KIRREL3: variants seen among roughly 807,000 people sequenced by gnomAD.
KIRREL3 encodes the protein kin of IRRE-like protein 3.
KIRREL3 carries 36 observed loss-of-function variants against 89.7 expected under a neutral mutation model. The ratio of observed to expected loss-of-function variants is 0.40; its 90% CI spans 0.31 to 0.53. KIRREL3 has a LOEUF of 0.53. KIRREL3 is among the 20% of genes least tolerant of loss of function. KIRREL3 has a pLI of 0.49. For synonymous variants in KIRREL3, 445 were observed against 441.4 expected (o/e 1.01, Z -0.10); for missense variants, 864 against 1,056.6 (o/e 0.82, Z 2.53).
At chr11:126,824,378 G>A (rs2134462873) in intron 1 of KIRREL3, among the ~76,000 whole-genome samples, 1 of 152,336 alleles carries the variant, frequency 6.6e-6, no homozygotes, top group Middle Eastern at 3.4e-3. Context: ...GCTCTGTGAA[G>A]CAGCTAGGTA....
rs1268908613 is a variant in KIRREL3, at chr11:126,999,023, C to A, written c.55+1432G>T. 6.8e-6 allele frequency among the ~76,000 whole-genome samples: 1 copy of A among 146,916 alleles called. No individual in the cohort carries two copies. The highest frequency in any genetic ancestry group is 2.1e-4 in the East Asian group (1 of 4,754). On this transcript the variant is annotated intron_variant, in intron 1 of 16. Coordinates refer to ENST00000525144, the MANE Select transcript of KIRREL3 (RefSeq NM_032531.4). The surrounding 1 kb of genome is among the most constrained non-coding windows in gnomAD (Gnocchi z 5.7). ...CTTACCAAATGGTAATATAACTGAACCTGTCTCTATACCAGTGTTCTGAGA... is the reference window on the plus strand; with the variant it reads ...CTTACCAAATGGTAATATAACTGAAACTGTCTCTATACCAGTGTTCTGAGA...
chr11:126,974,900 T>C (rs1829892843), intron 1 of KIRREL3, among the ~76,000 whole-genome samples: 1 of 152,154 alleles, frequency 6.6e-6, no homozygotes, highest in South Asian at 2.1e-4. Context: ...AAAGGCTTAA[T>C]GTGACTTATT....
At chr11:126,881,768 G>A (rs1237067104) in intron 1 of KIRREL3, among the ~76,000 whole-genome samples, 1 of 152,038 alleles carries the variant, frequency 6.6e-6, no homozygotes, top group Admixed American at 6.5e-5. Flanking sequence ...GGCTGATCTC[G>A]AACTCTTGGC....
rs908667933 is a variant in KIRREL3, at chr11:126,948,362, G to A, written c.55+52093C>T. 6.6e-6 allele frequency among the ~76,000 whole-genome samples: 1 copy of A among 152,136 alleles called. No individual in the cohort carries two copies. The highest frequency in any genetic ancestry group is 1.5e-5 in the Non-Finnish European group (1 of 68,026). On this transcript the variant is annotated intron_variant, in intron 1 of 16. Transcript: ENST00000525144. The surrounding 1 kb of genome is among the most constrained non-coding windows in gnomAD (Gnocchi z 4.5). ...GATCTCAGTACAACGGAGAACTCAG[G>A]GGAACCTAGGTCCTGTTCCAACCAT...
At chr11:126,646,033 C>A (rs776215665) in intron 1 of KIRREL3, among the ~76,000 whole-genome samples, 4 of 152,148 alleles carry the variant, frequency 2.6e-5, no homozygotes, top group Non-Finnish European at 4.4e-5. Flanking sequence ...CCACCAGAGA[C>A]GTTTTCATGA....
At position 126,424,407 on chromosome 11, in the gene KIRREL3, A is replaced by ACC; in HGVS notation, c.*171_*172dup. 2 of 397,928 alleles carry ACC rather than the reference A, an allele frequency of 5.0e-6. No homozygotes were observed. Among genetic ancestry groups the ACC allele is most frequent in the African/African-American group, 2.1e-5 (1 of 47,258 alleles). 24.6% of individuals were successfully genotyped at this position (397,928 alleles called of 1,614,324 possible). On this transcript the variant is annotated 3_prime_UTR_variant, in exon 17 of 17. Transcript: ENST00000525144. ...CACCTCTGGCACACAGCACCTGGGG[A>ACC]CCCAGATTTGTGCTTGATCAGAGCT...
intron 1 of KIRREL3, among the ~76,000 whole-genome samples, chr11:126,707,134 G>A (rs991083678): frequency 1.3e-5 from 2 of 151,408 alleles, no homozygotes; most frequent in African/African-American, 4.9e-5. Context: ...TAAATTTTTT[G>A]TTGAGATGGG....
intron 1 of KIRREL3, among the ~76,000 whole-genome samples, chr11:126,818,779 G>C (rs10893580): frequency 2.6e-5 from 4 of 151,718 alleles, no homozygotes; most frequent in Non-Finnish European, 5.9e-5. Context: ...GTAGACTCTG[G>C]AAAGTTATTG....
chr11:126,575,115 A>G lies in KIRREL3; in HGVS notation c.56-12203T>C, dbSNP rs1941186868. On this transcript the variant is annotated intron_variant, in intron 1 of 16. Transcript: ENST00000525144. The surrounding 1 kb of genome is among the most constrained non-coding windows in gnomAD (Gnocchi z 7.0). Reference sequence around the variant, plus strand: ...ATTTATACTTCTTGTTCATCTGGAGAAAGTTCTCTGGCCAGAGGACACAGT... The same window carrying G: ...ATTTATACTTCTTGTTCATCTGGAGGAAGTTCTCTGGCCAGAGGACACAGT... Among the ~76,000 whole-genome samples the G allele has an allele frequency of 6.6e-6, 1 of 152,146 alleles. No individual in the cohort carries two copies. Among genetic ancestry groups the G allele is most frequent in the African/African-American group, 2.4e-5 (1 of 41,428 alleles).
Position 126,432,108 on chromosome 11 carries a change from T to G in KIRREL3, c.1589-582A>C, listed in dbSNP as rs866730681. ...GCCCTCAGGTGTCCAAGTCTCAGGG[T>G]CCAGGGAGCAGGGTTACAGCTTCTC... is the stretch of plus-strand genomic sequence containing the variant. On this transcript the variant is annotated intron_variant, in intron 13 of 16. Coordinates refer to ENST00000525144, the MANE Select transcript of KIRREL3 (RefSeq NM_032531.4). The surrounding 1 kb of genome is among the most constrained non-coding windows in gnomAD (Gnocchi z 6.2). 6.6e-6 allele frequency among the ~76,000 whole-genome samples: 1 copy of G among 152,012 alleles called. No homozygotes were observed. Among genetic ancestry groups the G allele is most frequent in the Non-Finnish European group, 1.5e-5 (1 of 67,994 alleles).
At position 126,778,902 on chromosome 11, in the gene KIRREL3, G is replaced by C. The variant is rs1426015917; in HGVS notation, c.56-215990C>G. Among the ~76,000 whole-genome samples the C allele has an allele frequency of 6.6e-6, 1 of 152,180 alleles. No homozygotes were observed. The highest frequency in any genetic ancestry group is 2.4e-5 in the African/African-American group (1 of 41,444). On this transcript the variant is annotated intron_variant, in intron 1 of 16. Transcript: ENST00000525144. This position sits in a 1 kb window ranked among gnomAD's most constrained non-coding sequence, Gnocchi z 4.5. The stretch of plus-strand genomic sequence containing the variant: ...AATGTACGCAGTTTTGGTAAGATGA[G>C]CTATGCAGTTGTTCACCTGTTTCTG...
chr11:126,543,091 C>A (rs536477091), intron 2 of KIRREL3, among the ~76,000 whole-genome samples: 1 of 152,280 alleles, frequency 6.6e-6, no homozygotes, highest in African/African-American at 2.4e-5. Flanking sequence ...CCTCCCAATT[C>A]TGCCCTATTC....
chr11:126,478,667 A>G (rs113800485), intron 4 of KIRREL3, among the ~76,000 whole-genome samples: 1 of 151,516 alleles, frequency 6.6e-6, no homozygotes, highest in Non-Finnish European at 1.5e-5. Context: ...ATATGTATAT[A>G]TGTATGTGTA....
chr11:126,712,008 G>C (rs1021116985), intron 1 of KIRREL3, among the ~76,000 whole-genome samples: 3 of 152,200 alleles, frequency 2.0e-5, no homozygotes. Flanking sequence ...CTGAACTACT[G>C]TTTCTCAGCA....
At position 126,954,428 on chromosome 11, in the gene KIRREL3, T is replaced by C. The variant is rs1487814155; in HGVS notation, c.55+46027A>G. Among the ~76,000 whole-genome samples, 2 of 152,192 alleles carry C rather than the reference T, an allele frequency of 1.3e-5. No homozygotes were observed. Among genetic ancestry groups the C allele is most frequent in the Non-Finnish European group, 2.9e-5 (2 of 68,040 alleles). ...TTCATTGCTGATAACATGAAGGATC[T>C]GTAAATTACAAATCATCTGGGCCCT... On this transcript the variant is annotated intron_variant, in intron 1 of 16. Coordinates refer to ENST00000525144, the MANE Select transcript of KIRREL3 (RefSeq NM_032531.4). The surrounding 1 kb of genome is among the most constrained non-coding windows in gnomAD (Gnocchi z 4.1).
rs879688817 is a variant in KIRREL3 at position 126,668,061 on chromosome 11, G to A, written c.56-105149C>T. Among the ~76,000 whole-genome samples the A allele has an allele frequency of 3.9e-5, 6 of 152,152 alleles. No homozygotes were observed. Among genetic ancestry groups the A allele is most frequent in the African/African-American group, 1.2e-4 (5 of 41,428 alleles). ...AGCCCCTCATAAGGGGTTGATAGCT[G>A]AGCCCCTGTGTCTTAGTCAGTTTCG... On this transcript the variant is annotated intron_variant, in intron 1 of 16. Transcript: ENST00000525144. This position sits in a 1 kb window ranked among gnomAD's most constrained non-coding sequence, Gnocchi z 4.4.
At position 126,776,453 on chromosome 11, in the gene KIRREL3, T is replaced by C. The variant is rs993526906; in HGVS notation, c.56-213541A>G. On this transcript the variant is annotated intron_variant, in intron 1 of 16. Coordinates refer to ENST00000525144, the MANE Select transcript of KIRREL3 (RefSeq NM_032531.4). This position sits in a 1 kb window ranked among gnomAD's most constrained non-coding sequence, Gnocchi z 4.7. ...TCTCAGGGTGGCTGTGAGAATCAAATGAAATGATTTGCAGCACCATAGCAG... is the reference window on the plus strand; with the variant it reads ...TCTCAGGGTGGCTGTGAGAATCAAACGAAATGATTTGCAGCACCATAGCAG... Among the ~76,000 whole-genome samples the C allele has an allele frequency of 6.6e-6, 1 of 152,068 alleles. No homozygotes were observed. The highest frequency in any genetic ancestry group is 1.5e-5 in the Non-Finnish European group (1 of 68,008).
intron 1 of KIRREL3, among the ~76,000 whole-genome samples, chr11:126,819,424 T>A (rs1461795290): frequency 1.3e-5 from 2 of 152,150 alleles, no homozygotes; most frequent in African/African-American, 2.4e-5. Context: ...TTCTCAGGCA[T>A]AATAAGGTGT....
rs554849531 is a variant in KIRREL3 at position 126,912,007 on chromosome 11, C to T, written c.55+88448G>A. Among the ~76,000 whole-genome samples the T allele has an allele frequency of 1.2e-4, 16 of 128,638 alleles. No homozygotes were observed. The highest frequency in any genetic ancestry group is 3.3e-4 in the African/African-American group (11 of 33,458). 84.4% of individuals were successfully genotyped at this position (128,638 alleles called of 152,430 possible). Reference sequence around the variant, plus strand: ...CAAAAAAAAAAAAAAAAAAAAAGAACGGCAACTGGGATGACTCAGTAGAGA... The same window carrying T: ...CAAAAAAAAAAAAAAAAAAAAAGAATGGCAACTGGGATGACTCAGTAGAGA... On this transcript the variant is annotated intron_variant, in intron 1 of 16. Transcript: ENST00000525144. This position sits in a 1 kb window ranked among gnomAD's most constrained non-coding sequence, Gnocchi z 4.7.
Sources: gnomAD v4.1 joint callset for allele counts (sites outside exome capture counted in the v4.1 genomes callset) on GRCh38, gnomAD v4.1.1 for gene constraint, Gnocchi (gnomAD v3.1) non-coding constraint, MANE v1.5 for transcripts, NCBI Gene and HGNC (gene_info 2026-07-23, HGNC 2026-07-21) for gene names.